WWOX: variants seen among roughly 807,000 people sequenced by gnomAD.
WWOX encodes the protein WW domain containing oxidoreductase, also known as WW domain-containing oxidoreductase.
In WWOX, 69 loss-of-function variants were observed where a neutral mutation model predicts 46.2. The ratio of observed to expected loss-of-function variants is 1.49; its 90% CI spans 1.23 to 1.82. WWOX has a LOEUF of 1.82. Among genes scored for constraint, WWOX ranks in the 40% most tolerant of loss-of-function variants. The pLI, the probability that WWOX is intolerant of heterozygous loss-of-function variation, is 0.00. For synonymous variants in WWOX, 359 were observed against 202.6 expected (o/e 1.77, Z -6.56); for missense variants, 919 against 542.6 (o/e 1.69, Z -6.89).
intron 4 of WWOX, among the ~76,000 whole-genome samples, chr16:78,128,044 G>GAA (rs2033432775): frequency 1.3e-5 from 2 of 152,198 alleles, no homozygotes; most frequent in Non-Finnish European, 2.9e-5. Flanking sequence ...GTCCAATAGT[G>GAA]TATGAATATA....
At chr16:78,352,608 T>C (rs935584909) in intron 5 of WWOX, among the ~76,000 whole-genome samples, 9 of 152,190 alleles carry the variant, frequency 5.9e-5, no homozygotes, top group African/African-American at 2.2e-4. Context: ...CCTGATAATC[T>C]GGGATAATCT....
intron 5 of WWOX, among the ~76,000 whole-genome samples, chr16:78,335,766 C>T (rs1311027226): frequency 6.6e-6 from 1 of 152,140 alleles, no homozygotes; most frequent in Non-Finnish European, 1.5e-5. Context: ...TCTGGCTCTG[C>T]AGAACTGAGG....
At chr16:78,233,104 G>T (rs1438968173) in intron 5 of WWOX, among the ~76,000 whole-genome samples, 1 of 152,138 alleles carries the variant, frequency 6.6e-6, no homozygotes, top group African/African-American at 2.4e-5. Flanking sequence ...CCATTATTTT[G>T]GCTGAAGATG....
intron 4 of WWOX, among the ~76,000 whole-genome samples, chr16:78,162,998 T>TG (rs1371151418): frequency 6.6e-6 from 1 of 152,214 alleles, no homozygotes; most frequent in African/African-American, 2.4e-5. Flanking sequence ...TTCTCCATCT[T>TG]GCCTTTTTGT....
At chr16:78,598,988 A>G (rs1377363811) in intron 8 of WWOX, among the ~76,000 whole-genome samples, 1 of 152,208 alleles carries the variant, frequency 6.6e-6, no homozygotes, top group Non-Finnish European at 1.5e-5. Flanking sequence ...AGTAAGTGGC[A>G]GGGTCGGCAT....
Position 78,413,006 on chromosome 16 carries a change from A to T in WWOX, c.606-11864A>T, listed in dbSNP as rs150759599. On this transcript the variant is annotated intron_variant, in intron 6 of 8. Coordinates refer to ENST00000566780, the MANE Select transcript of WWOX (RefSeq NM_016373.4). ...CTTACCTGATGGTCAGAAAGATCTG[A>T]TTGAGCTGACGCGTAGCAAGAATGA... Among the ~76,000 whole-genome samples the T allele has an allele frequency of 5.8e-4, 89 of 152,234 alleles. No individual in the cohort carries two copies. The East Asian group carries it at 0.017, about 29-fold the overall frequency.
chr16:79,004,573 C>T (rs184381331), intron 8 of WWOX: 6 of 152,412 alleles, frequency 3.9e-5, no homozygotes, highest in African/African-American at 1.4e-4. Context: ...GCGATCCCTT[C>T]AGGCCTCTGG....
At chr16:78,597,095 C>G (rs1167794739) in intron 8 of WWOX, among the ~76,000 whole-genome samples, 5 of 152,160 alleles carry the variant, frequency 3.3e-5, no homozygotes, top group Non-Finnish European at 7.3e-5. Context: ...GACCTGGGTG[C>G]TAGTATCTTT....
At chr16:78,817,068 G>A (rs2051350311) in intron 8 of WWOX, among the ~76,000 whole-genome samples, 1 of 151,342 alleles carries the variant, frequency 6.6e-6, no homozygotes, top group African/African-American at 2.4e-5. Flanking sequence ...AAATACAAAG[G>A]TCAAACCTTC....
At position 78,433,528 on chromosome 16, in the gene WWOX, C is replaced by G. The variant is rs557199882; in HGVS notation, c.1056+776C>G. Among the ~76,000 whole-genome samples, 14 of 152,290 alleles carry G rather than the reference C, an allele frequency of 9.2e-5. No individual in the cohort carries two copies. In the South Asian group the frequency reaches 2.9e-3, roughly 32 times the overall value. On this transcript the variant is annotated intron_variant, in intron 8 of 8. Coordinates refer to ENST00000566780, the MANE Select transcript of WWOX (RefSeq NM_016373.4). The stretch of plus-strand genomic sequence containing the variant: ...CTTCCTATTAGTGGACACCAGTATT[C>G]CAGTTACCCAAACTTAAAATCTACT...
At chr16:78,565,728 G>A (rs891008530) in intron 8 of WWOX, among the ~76,000 whole-genome samples, 4 of 152,096 alleles carry the variant, frequency 2.6e-5, no homozygotes, top group African/African-American at 7.2e-5. Flanking sequence ...TGGACTTCAC[G>A]TTCCCTCATC....
intron 8 of WWOX, among the ~76,000 whole-genome samples, chr16:78,906,488 C>G (rs886766263): frequency 7.9e-5 from 12 of 152,294 alleles, no homozygotes; most frequent in Admixed American, 5.9e-4. Flanking sequence ...GTCTTTGTCC[C>G]CATCTCTTCA....
At chr16:78,894,370 G>A (rs572389388) in intron 8 of WWOX, among the ~76,000 whole-genome samples, 14 of 152,164 alleles carry the variant, frequency 9.2e-5, no homozygotes, top group African/African-American at 3.4e-4. Context: ...ACACCTCCAA[G>A]TATAATATTG....
intron 8 of WWOX, among the ~76,000 whole-genome samples, chr16:78,830,251 T>C (rs889861603): frequency 6.6e-6 from 1 of 152,192 alleles, no homozygotes; most frequent in African/African-American, 2.4e-5. Flanking sequence ...CTGAATGATA[T>C]TTATATGGGG....
At chr16:78,391,420 CA>C (rs2082172415) in intron 6 of WWOX, among the ~76,000 whole-genome samples, 1 of 152,224 alleles carries the variant, frequency 6.6e-6, no homozygotes, top group African/African-American at 2.4e-5. Context: ...GACACTTTCT[CA>C]ACTTGAGCAA....
chr16:78,169,475 G>T (rs2035079502), intron 5 of WWOX, among the ~76,000 whole-genome samples: 2 of 151,516 alleles, frequency 1.3e-5, no homozygotes, highest in South Asian at 4.2e-4. Context: ...GGACCTCTGA[G>T]ATCTCAGGAC....
chr16:78,356,539 G>A (rs2081295603), intron 5 of WWOX, among the ~76,000 whole-genome samples: 2 of 152,166 alleles, frequency 1.3e-5, no homozygotes, highest in Non-Finnish European at 2.9e-5. Flanking sequence ...GGAGAGGTAG[G>A]TGCAGGGCAG....
At chr16:78,810,451 C>G (rs1048662612) in intron 8 of WWOX, among the ~76,000 whole-genome samples, 2 of 152,156 alleles carry the variant, frequency 1.3e-5, no homozygotes, top group African/African-American at 4.8e-5. Context: ...TACATGTCAA[C>G]TCAGAAAACA....
chr16:79,194,375 C>G (rs972173681), intron 8 of WWOX, among the ~76,000 whole-genome samples: 1 of 152,082 alleles, frequency 6.6e-6, no homozygotes, highest in Non-Finnish European at 1.5e-5. Flanking sequence ...GGTTGGATAC[C>G]TGGAACCCCT....
Sources: gnomAD v4.1 joint callset for allele counts (sites outside exome capture counted in the v4.1 genomes callset) on GRCh38, gnomAD v4.1.1 for gene constraint, MANE v1.5 for transcripts, NCBI Gene and HGNC (gene_info 2026-07-23, HGNC 2026-07-21) for gene names.